The following SMOC2 variants were observed in gnomAD, a reference collection of about 807,000 sequenced individuals.
The protein encoded by SMOC2 is SPARC related modular calcium binding 2.
A neutral mutation model predicts 61.4 loss-of-function variants in SMOC2; 39 were observed. The observed-to-expected ratio is 0.64, with a 90% CI of 0.49 to 0.83. The LOEUF is 0.83. SMOC2 is among the 40% of genes least tolerant of loss of function. SMOC2 has a pLI of 0.00. For synonymous variants in SMOC2, 247 were observed against 239.9 expected (o/e 1.03, Z -0.27); for missense variants, 556 against 592.9 (o/e 0.94, Z 0.65).
At chr6:168,507,156 T>G (rs1376312087) in intron 1 of SMOC2, among the ~76,000 whole-genome samples, 6 of 152,176 alleles carry the variant, frequency 3.9e-5, no homozygotes, top group Non-Finnish European at 8.8e-5. Context: ...TCTCTTTCCC[T>G]TTAGAGAAAA....
chr6:168,447,043 T>TCA (rs1781347048), intron 1 of SMOC2, among the ~76,000 whole-genome samples: 1 of 152,192 alleles, frequency 6.6e-6, no homozygotes, highest in Admixed American at 6.5e-5. Flanking sequence ...CTGCCCACTT[T>TCA]ACGGTCTTCT....
intron 1 of SMOC2, among the ~76,000 whole-genome samples, chr6:168,508,686 AC>A (rs1332947631): frequency 2.0e-5 from 3 of 152,050 alleles, no homozygotes; most frequent in Non-Finnish European, 2.9e-5. Context: ...CTGAACCTCA[AC>A]CCTATTTTCC....
rs181854551 is a variant in SMOC2 at position 168,441,427 on chromosome 6, G to A, written c.57G>A (p.Val19=). ...TGCTCGCTGGGCTGCTCCCGCCGGT[G>A]CCCGCTCAGAAGTTCTCGGCGCTCA... is the stretch of plus-strand genomic sequence containing the variant. The part of the protein sequence containing the change: ...LPLLAGLLPP[V]PAQKFSALTF... The change falls in exon 1 of 13, where the codon GTG becomes GTA. Residue 19 remains valine (V), a synonymous_variant. Transcript: ENST00000356284. 6.6e-7 allele frequency: 1 copy of A among 1,510,332 alleles called. No individual in the cohort carries two copies. Among genetic ancestry groups the A allele is most frequent in the Non-Finnish European group, 8.8e-7 (1 of 1,133,258 alleles). 93.6% of individuals were successfully genotyped at this position (1,510,332 alleles called of 1,614,324 possible).
chr6:168,555,817 C>T (rs1462957482), intron 7 of SMOC2, among the ~76,000 whole-genome samples: 2 of 152,102 alleles, frequency 1.3e-5, no homozygotes, highest in Non-Finnish European at 2.9e-5. Flanking sequence ...ACGCCCTGAG[C>T]ACCTGTTTCT....
chr6:168,604,819 G>T (rs1785646397), intron 8 of SMOC2, among the ~76,000 whole-genome samples: 1 of 152,184 alleles, frequency 6.6e-6, no homozygotes, highest in African/African-American at 2.4e-5. Flanking sequence ...ATGCCACTCT[G>T]CCCAGATGAG....
At position 168,452,292 on chromosome 6, in the gene SMOC2, A is replaced by T. The variant is rs1781483589; in HGVS notation, c.84+10838A>T. Among the ~76,000 whole-genome samples the T allele has an allele frequency of 6.6e-6, 1 of 152,194 alleles. No homozygotes were observed. The highest frequency in any genetic ancestry group is 1.5e-5 in the Non-Finnish European group (1 of 68,050). On this transcript the variant is annotated intron_variant, in intron 1 of 12. Coordinates refer to ENST00000356284, the MANE Select transcript of SMOC2 (RefSeq NM_001166412.2). This position sits in a 1 kb window ranked among gnomAD's most constrained non-coding sequence, Gnocchi z 5.0. ...CTGGGATATGCATGTTACATTCAGG[A>T]TTACTACCCACATATCAGATAAGAG...
chr6:168,616,597 C>T (rs999848594), intron 9 of SMOC2, among the ~76,000 whole-genome samples: 1 of 152,144 alleles, frequency 6.6e-6, no homozygotes, highest in Non-Finnish European at 1.5e-5. Context: ...TATTTTTTGA[C>T]CACTAAGTTG....
At chr6:168,569,070 A>G (rs1784608694) in intron 7 of SMOC2, among the ~76,000 whole-genome samples, 1 of 152,228 alleles carries the variant, frequency 6.6e-6, no homozygotes, top group Non-Finnish European at 1.5e-5. Flanking sequence ...AATAACTAAG[A>G]ACACGATTGG....
chr6:168,643,705 C>T (rs1335235551), intron 9 of SMOC2, among the ~76,000 whole-genome samples: 1 of 152,212 alleles, frequency 6.6e-6, no homozygotes, highest in African/African-American at 2.4e-5. Context: ...ACGTAGGATG[C>T]ACTCCTGCCT....
chr6:168,472,601 A>T (rs540544575), intron 1 of SMOC2, among the ~76,000 whole-genome samples: 20 of 152,266 alleles, frequency 1.3e-4, no homozygotes, highest in Admixed American at 3.3e-4. Context: ...ACAATGTCAC[A>T]TGTTTATTCT....
intron 1 of SMOC2, among the ~76,000 whole-genome samples, chr6:168,508,252 A>G (rs991630372): frequency 1.3e-5 from 2 of 152,362 alleles, no homozygotes; most frequent in East Asian, 1.9e-4. Flanking sequence ...ATAAATTTCC[A>G]TTAAAAAAAT....
chr6:168,473,198 G>A (rs147248319), intron 1 of SMOC2, among the ~76,000 whole-genome samples: 4 of 152,336 alleles, frequency 2.6e-5, no homozygotes, highest in African/African-American at 9.6e-5. Flanking sequence ...AGACCACTGA[G>A]ACCTTCCTGG....
At chr6:168,600,104 C>G (rs1388699555) in intron 8 of SMOC2, among the ~76,000 whole-genome samples, 1 of 152,094 alleles carries the variant, frequency 6.6e-6, no homozygotes, top group Non-Finnish European at 1.5e-5. Flanking sequence ...GCATGAGCTG[C>G]CTATAAAAGC....
intron 9 of SMOC2, among the ~76,000 whole-genome samples, chr6:168,643,250 A>T (rs188095113): frequency 1.1e-4 from 17 of 152,200 alleles, no homozygotes; most frequent in African/African-American, 2.9e-4. Flanking sequence ...CACACTTTAA[A>T]ACAGAAACAA....
intron 5 of SMOC2, among the ~76,000 whole-genome samples, chr6:168,545,110 T>C (rs1783960111): frequency 6.6e-6 from 1 of 152,050 alleles, no homozygotes; most frequent in Non-Finnish European, 1.5e-5. Flanking sequence ...ATGGTGTGGG[T>C]ATGTCGACAT....
rs548940431 is a variant in SMOC2, at chr6:168,603,582, T to C, written c.825-4575T>C. On this transcript the variant is annotated intron_variant, in intron 8 of 12. Transcript: ENST00000356284. ...GTATTGGGAGCTGGGGATACACCAGTGAACAAAACAGGTACAGTCCATGCT... is the reference window on the plus strand; with the variant it reads ...GTATTGGGAGCTGGGGATACACCAGCGAACAAAACAGGTACAGTCCATGCT... 4.6e-5 allele frequency among the ~76,000 whole-genome samples: 7 copies of C among 152,170 alleles called. No homozygotes were observed. The South Asian group carries it at 1.5e-3, about 32-fold the overall frequency.
At chr6:168,472,694 T>A (rs1169302914) in intron 1 of SMOC2, among the ~76,000 whole-genome samples, 1 of 152,140 alleles carries the variant, frequency 6.6e-6, no homozygotes, top group Non-Finnish European at 1.5e-5. Context: ...ATCATCCTCT[T>A]GCAAATTGTT....
rs145119528 is a variant in SMOC2 at position 168,546,925 on chromosome 6, C to T, written c.512-194C>T. On this transcript the variant is annotated intron_variant, in intron 5 of 12. Coordinates refer to ENST00000356284, the MANE Select transcript of SMOC2 (RefSeq NM_001166412.2). ...GTCTAGCCTCGAGCATTTTAAGTAG[C>T]GGCTCACTCAAGACTGGTATAGTCA... 3.8e-3 allele frequency among the ~76,000 whole-genome samples: 574 copies of T among 152,296 alleles called. 5 individuals are homozygous for T. Among genetic ancestry groups the T allele is most frequent in the African/African-American group, 0.013 (534 of 41,556 alleles).
rs904996980 is a variant in SMOC2, at chr6:168,459,315, C to T, written c.84+17861C>T. On this transcript the variant is annotated intron_variant, in intron 1 of 12. Transcript: ENST00000356284. ...GGTGTGTTTTGATGAAGGTCACAGA[C>T]GCGCCTGGGTCCCTGGTGGGGAATC... Among the ~76,000 whole-genome samples the T allele has an allele frequency of 5.8e-4, 89 of 152,172 alleles. 1 individual carries two copies. The highest frequency in any genetic ancestry group is 1.6e-4 in the Non-Finnish European group (11 of 68,036).
Sources: gnomAD v4.1 joint callset for allele counts (sites outside exome capture counted in the v4.1 genomes callset) on GRCh38, gnomAD v4.1.1 for gene constraint, Gnocchi (gnomAD v3.1) non-coding constraint, MANE v1.5 for transcripts, NCBI Gene and HGNC (gene_info 2026-07-23, HGNC 2026-07-21) for gene names.